ZRANB2: variants seen among roughly 807,000 people sequenced by gnomAD.
ZRANB2 encodes zinc finger Ran-binding domain-containing protein 2.
Under a neutral mutation model 53.4 loss-of-function variants are expected in ZRANB2, and 19 were observed. That is an observed-to-expected ratio of 0.36 (90% confidence interval 0.25 to 0.52). The LOEUF (loss-of-function observed/expected upper bound fraction) is 0.52. Among genes scored for constraint, ZRANB2 ranks in the 20% least tolerant of loss-of-function variants. The pLI is 0.93. For missense variants in ZRANB2, 309 were observed against 401.1 expected (o/e 0.77, Z 1.96); for synonymous variants, 145 against 134.8 (o/e 1.08, Z -0.52).
At chr1:71,072,620 T>A in intron 4 of ZRANB2, 72 bp from the exon 5 acceptor site, 1 of 1,169,190 alleles carries the variant, frequency 8.6e-7, no homozygotes, top group Admixed American at 2.2e-5. Flanking sequence ...TGCCCAAATC[T>A]CCAGACAACA....
At chr1:71,067,877 A>T (rs915663888) in intron 8 of ZRANB2, among the ~76,000 whole-genome samples, 7 of 138,098 alleles carry the variant, frequency 5.1e-5, no homozygotes, top group African/African-American at 8.0e-5. Context: ...CTCTACTTCT[A>T]TTTTTTTTTT....
Position 71,072,519 on chromosome 1 carries a change from T to A in ZRANB2, c.331A>T (p.Asn111Tyr). ...GYGGGFNERE[N>Y]VEYIEREESD... ...TCTTCTCTTTCTATATATTCAACAT[T>A]TTCTCTTTCATTAAAACCACCACCA... Residue 111 changes from asparagine (N) to tyrosine (Y), a missense_variant, in exon 5 of 10, where the codon AAT becomes TAT. Asn to Tyr is a moderately radical substitution (Grantham distance 143). Around this residue, in one of 3 missense-constraint regions of ZRANB2, gnomAD observed 74 missense variants for 180.1 expected, o/e 0.41. Transcript: ENST00000370920. 1 of 1,608,008 alleles carries A rather than the reference T, an allele frequency of 6.2e-7. No individual in the cohort carries two copies. Among genetic ancestry groups the A allele is most frequent in the Non-Finnish European group, 8.5e-7 (1 of 1,175,640 alleles).
At chr1:71,075,775 G>A (rs756456096) in intron 4 of ZRANB2, among the ~76,000 whole-genome samples, 5 of 152,022 alleles carry the variant, frequency 3.3e-5, no homozygotes, top group Non-Finnish European at 5.9e-5. Flanking sequence ...CCAATCGGTG[G>A]AAAGGCAAAA....
At chr1:71,070,683 G>A in intron 7 of ZRANB2, 144 bp downstream of exon 7, 1 of 547,682 alleles carries the variant, frequency 1.8e-6, no homozygotes, top group Admixed American at 3.2e-5. Flanking sequence ...GTACTAAGCT[G>A]AAAAATTATT....
rs751466541 is a variant in ZRANB2 at position 71,066,959 on chromosome 1, A to C, written c.771-25T>G. 2.3e-5 allele frequency: 35 copies of C among 1,541,916 alleles called. No homozygotes were observed. The South Asian group carries it at 4.4e-4, about 19-fold the overall frequency. On this transcript the variant is annotated intron_variant, in intron 8 of 9. Transcript: ENST00000370920. ...TCTTCATTGATTGAGAAACAAATCA[A>C]ACATTTCATTAAAAGAAGAAATAAG... is the stretch of plus-strand genomic sequence containing the variant.
At chr1:71,080,248 C>CT (rs1557796185) in intron 1 of ZRANB2, among the ~76,000 whole-genome samples, 1 of 152,150 alleles carries the variant, frequency 6.6e-6, no homozygotes, top group Non-Finnish European at 1.5e-5. Context: ...CGAGTACTGG[C>CT]TTTGGCAACA....
chr1:71,065,863 T>C, intron 9 of ZRANB2: 8 of 1,492,688 alleles, frequency 5.4e-6, no homozygotes, highest in Non-Finnish European at 7.3e-6. Context: ...CAGAATGAAT[T>C]CCACTCAAAA....
intron 4 of ZRANB2, among the ~76,000 whole-genome samples, chr1:71,074,942 G>A (rs552405178): frequency 6.6e-6 from 1 of 152,048 alleles, no homozygotes; most frequent in Non-Finnish European, 1.5e-5. Context: ...TTGTAGCAAG[G>A]GAAGTGAGAA....
chr1:71,066,561 A>G (rs1030201153), intron 9 of ZRANB2: 3 of 408,784 alleles, frequency 7.3e-6, no homozygotes, highest in Non-Finnish European at 1.3e-5. Context: ...AATTTAAACA[A>G]TAAAATGATC....
At chr1:71,076,513 A>G (rs1661713483) in intron 4 of ZRANB2, among the ~76,000 whole-genome samples, 1 of 152,228 alleles carries the variant, frequency 6.6e-6, no homozygotes, top group Admixed American at 6.5e-5. Context: ...ACTAATAACA[A>G]ACATGCAAAC....
Position 71,064,997 on chromosome 1 carries a change from CA to C in ZRANB2, c.*76del. ...TACTAGCAGATTTAGCACTTCTGAC[CA>C]AGTAAGACACCAACTTCTTTAAAAA... is the stretch of plus-strand genomic sequence containing the variant. On this transcript the variant is annotated 3_prime_UTR_variant, in exon 10 of 10. Transcript: ENST00000370920. 9.5e-7 allele frequency: 1 copy of C among 1,050,954 alleles called. No homozygotes were observed. Among genetic ancestry groups the C allele is most frequent in the Non-Finnish European group, 1.4e-6 (1 of 704,794 alleles). The allele number at this position is 1,050,954 out of a possible 1,614,324, so 65.1% of individuals were successfully genotyped here. A position where few individuals can be genotyped will look rare whatever the true frequency, so the allele number is the denominator to read the frequency against.
chr1:71,067,187 G>T (rs1251012858), intron 8 of ZRANB2: 4 of 290,228 alleles, frequency 1.4e-5, no homozygotes, highest in Non-Finnish European at 2.5e-5. Flanking sequence ...TATCAAAATA[G>T]AATTTAAACT....
At chr1:71,078,843 A>C (rs1661769724) in intron 1 of ZRANB2, 135 bp from the exon 2 acceptor site, 1 of 743,036 alleles carries the variant, frequency 1.3e-6, no homozygotes, top group East Asian at 2.7e-5. Flanking sequence ...TTACCAACAA[A>C]AAACTCCACA....
chr1:71,067,103 A>C, intron 8 of ZRANB2, 169 bp from the exon 9 acceptor site: 1 of 531,904 alleles, frequency 1.9e-6, no homozygotes, highest in South Asian at 4.5e-5. Context: ...ATCAACCATG[A>C]AAACATTCTA....
rs144217678 is a variant in ZRANB2, at chr1:71,069,291, C to G, written c.755G>C (p.Arg252Pro). 3.7e-6 allele frequency: 6 copies of G among 1,611,614 alleles called. No individual in the cohort carries two copies. In the South Asian group the frequency reaches 4.4e-5, roughly 12 times the overall value. The change falls in exon 8 of 10, where the codon CGT (arginine) becomes CCT (proline). Residue 252 changes from arginine (R) to proline (P), a missense_variant. Transcript: ENST00000370920. ...CCTCATTCACCTTGATTTCGACCCA[C>G]GAGATCTCGAACGTTCTCTGGAACT... Reference protein sequence around the residue: ...RSSSRERSRSRGSKSRSSSRS... With the variant: ...RSSSRERSRSPGSKSRSSSRS...
At position 71,063,774 on chromosome 1, in the gene ZRANB2, A is replaced by G. The variant is rs1661358249; in HGVS notation, c.*1300T>C. 1 of 152,360 alleles carries G rather than the reference A, an allele frequency of 6.6e-6. No individual in the cohort carries two copies. Among genetic ancestry groups the G allele is most frequent in the African/African-American group, 2.4e-5 (1 of 41,420 alleles). The allele number at this position is 152,360 out of a possible 1,614,324, so 9.4% of individuals were successfully genotyped here. Reference sequence around the variant, plus strand: ...AAAACATTCACTTTAAAGTAAAAACATATATTTTTGTTTGGTTTGTCTATG... The same window carrying G: ...AAAACATTCACTTTAAAGTAAAAACGTATATTTTTGTTTGGTTTGTCTATG... On this transcript the variant is annotated 3_prime_UTR_variant, in exon 10 of 10. Coordinates refer to ENST00000370920, the MANE Select transcript of ZRANB2 (RefSeq NM_203350.3).
chr1:71,072,058 G>A, intron 6 of ZRANB2, 63 bp downstream of exon 6: 1 of 1,556,572 alleles, frequency 6.4e-7, no homozygotes, highest in Non-Finnish European at 8.6e-7. Flanking sequence ...GCTGTCAAAA[G>A]CATTCATGTT....
At chr1:71,069,255 G>A in intron 8 of ZRANB2, 21 bp downstream of exon 8, 3 of 1,590,114 alleles carry the variant, frequency 1.9e-6, no homozygotes, top group Non-Finnish European at 2.6e-6. Context: ...CTGCTTTACA[G>A]AGAGATGCTA....
Position 71,071,319 on chromosome 1 carries a change from T to C in ZRANB2, c.514-323A>G, listed in dbSNP as rs144939455. 3.0e-3 allele frequency among the ~76,000 whole-genome samples: 458 copies of C among 152,236 alleles called. 3 individuals carry two copies. The highest frequency in any genetic ancestry group is 0.01 in the African/African-American group (430 of 41,556). On this transcript the variant is annotated intron_variant, in intron 6 of 9. Coordinates refer to ENST00000370920, the MANE Select transcript of ZRANB2 (RefSeq NM_203350.3). ...TAGTCTTAGACACTCTGTTCCTTAT[T>C]CTCTAGCATATTATAGTAACCTCTT... is the stretch of plus-strand genomic sequence containing the variant.
Sources: allele counts gnomAD v4.1 joint callset (sites outside exome capture counted in the v4.1 genomes callset), GRCh38; gene constraint gnomAD v4.1.1; regional missense constraint gnomAD v4.1.1; transcripts MANE v1.5; gene names NCBI Gene and HGNC (gene_info 2026-07-23, HGNC 2026-07-21).